The following HTR2C variants were observed in gnomAD, a reference collection of about 807,000 sequenced individuals.
HTR2C encodes 5-hydroxytryptamine (serotonin) receptor 2C, G protein-coupled.
A neutral mutation model predicts 21.0 loss-of-function variants in HTR2C; 5 were observed. That is an observed-to-expected ratio of 0.24 (90% confidence interval 0.12 to 0.50). The LOEUF (loss-of-function observed/expected upper bound fraction) is 0.50. Among genes scored for constraint, HTR2C ranks in the 20% least tolerant of loss-of-function variants. The pLI is 0.98. For missense variants in HTR2C, 271 were observed against 371.2 expected, an observed-to-expected ratio of 0.73 and a Z score of 2.22; for synonymous variants, 150 against 145.3, an observed-to-expected ratio of 1.03 and a Z score of -0.23.
chrX:114,824,843 G>A (rs1193469898), intron 4 of HTR2C, among the ~76,000 whole-genome samples: 1 of 111,494 alleles, frequency 9.0e-6, no homozygotes, highest in East Asian at 2.8e-4. Context: ...TTGGAATTAG[G>A]GGCTTAGTGA....
At chrX:114,657,767 T>C (rs782238202) in intron 2 of HTR2C, among the ~76,000 whole-genome samples, 40 of 111,788 alleles carry the variant, frequency 3.6e-4, no homozygotes, top group Non-Finnish European at 6.6e-4. Context: ...TAGTTACATA[T>C]GTATTATTCT....
chrX:114,827,986 T>C (rs1435491155), intron 4 of HTR2C, among the ~76,000 whole-genome samples: 2 of 110,741 alleles, frequency 1.8e-5, no homozygotes, highest in Non-Finnish European at 3.8e-5. Flanking sequence ...GTAAATTTTT[T>C]CCCCCCAAAT....
chrX:114,714,675 G>A (rs782386921), intron 2 of HTR2C, among the ~76,000 whole-genome samples: 4 of 112,173 alleles, frequency 3.6e-5, no homozygotes, highest in Non-Finnish European at 5.6e-5. Context: ...GAAGTATCTT[G>A]TTTGTAAAAC....
chrX:114,599,289 A>G (rs887435448), intron 1 of HTR2C, among the ~76,000 whole-genome samples: 1 of 112,037 alleles, frequency 8.9e-6, no homozygotes. Flanking sequence ...GTAAAGACAA[A>G]TAAGAGTATT....
chrX:114,881,598 T>C (rs1181292464), intron 5 of HTR2C, among the ~76,000 whole-genome samples: 1 of 109,997 alleles, frequency 9.1e-6, no homozygotes, highest in African/African-American at 3.3e-5. Flanking sequence ...GAAAAGACTA[T>C]TATTTCCTTC....
chrX:114,882,527 G>A (rs2071189880), intron 5 of HTR2C, among the ~76,000 whole-genome samples: 1 of 110,699 alleles, frequency 9.0e-6, no homozygotes, highest in South Asian at 3.7e-4. Context: ...TTTCTATGTT[G>A]AGGAGTGACT....
rs1289133081 is a variant in HTR2C at position 114,907,320 on chromosome X, A to G, written c.1282A>G (p.Ser428Gly). The G allele has an allele frequency of 3.3e-6, 4 of 1,209,064 alleles. No individual in the cohort carries two copies. Among genetic ancestry groups the G allele is most frequent in the African/African-American group, 1.8e-5 (1 of 57,139 alleles). Residue 428 changes from serine (S) to glycine (G), a missense_variant, in exon 6 of 6, where the codon AGT becomes GGT. By Grantham distance (56) the Ser-to-Gly change is moderately conservative (BLOSUM62 0). Transcript: ENST00000276198. Reference sequence around the variant, plus strand: ...CAATGAACCGGTGATCGAGAAAGCCAGTGACAATGAGCCCGGTATAGAGAT... The same window carrying G: ...CAATGAACCGGTGATCGAGAAAGCCGGTGACAATGAGCCCGGTATAGAGAT... ...HTNEPVIEKA[S>G]DNEPGIEMQV...
At chrX:114,706,727 T>C (rs1041332324) in intron 2 of HTR2C, among the ~76,000 whole-genome samples, 9 of 109,640 alleles carry the variant, frequency 8.2e-5, no homozygotes, top group Non-Finnish European at 1.1e-4. Flanking sequence ...CAAATAAAAA[T>C]AATAAAAAAG....
intron 2 of HTR2C, among the ~76,000 whole-genome samples, chrX:114,726,310 A>C (rs1317658585): frequency 7.1e-5 from 8 of 112,529 alleles, no homozygotes; most frequent in Non-Finnish European, 1.5e-4. Flanking sequence ...TTGTTTGACT[A>C]GGAAAGGGAA....
At chrX:114,603,987 G>A (rs1307184527) in intron 1 of HTR2C, among the ~76,000 whole-genome samples, 3 of 105,234 alleles carry the variant, frequency 2.9e-5, no homozygotes, top group Non-Finnish European at 5.8e-5. Flanking sequence ...AGGCCATGCT[G>A]TAGCAGGCGA....
chrX:114,600,015 G>A (rs1338712772), intron 1 of HTR2C, among the ~76,000 whole-genome samples: 4 of 110,991 alleles, frequency 3.6e-5, no homozygotes, highest in African/African-American at 1.3e-4. Context: ...AAGAAATCAC[G>A]GACACTTCTA....
At chrX:114,674,945 A>T (rs782293973) in intron 2 of HTR2C, among the ~76,000 whole-genome samples, 3 of 112,403 alleles carry the variant, frequency 2.7e-5, no homozygotes, top group Non-Finnish European at 3.8e-5. Context: ...TGTGTTCACA[A>T]TTCCAAAATC....
chrX:114,633,622 G>T (rs1556404675), intron 2 of HTR2C, among the ~76,000 whole-genome samples: 1 of 110,375 alleles, frequency 9.1e-6, no homozygotes, highest in African/African-American at 3.3e-5. Flanking sequence ...ATTCTGTCTG[G>T]GATGTCTGAA....
At chrX:114,703,095 C>T (rs1198971688) in intron 2 of HTR2C, among the ~76,000 whole-genome samples, 11 of 104,951 alleles carry the variant, frequency 1.0e-4, no homozygotes, top group Non-Finnish European at 1.8e-4. Flanking sequence ...ACTTAGACTC[C>T]CACACAATAA....
intron 4 of HTR2C, among the ~76,000 whole-genome samples, chrX:114,803,498 T>A (rs1313559969): frequency 9.4e-6 from 1 of 106,075 alleles, no homozygotes; most frequent in Non-Finnish European, 1.9e-5. Flanking sequence ...GTGAGCATTT[T>A]TTCATGTGTT....
chrX:114,707,891 CA>C (rs782374673), intron 2 of HTR2C, among the ~76,000 whole-genome samples: 4 of 107,677 alleles, frequency 3.7e-5, no homozygotes, highest in Non-Finnish European at 5.8e-5. Context: ...AGTAAATAGG[CA>C]AAAAAAACTT....
At chrX:114,896,740 TA>T (rs782348456) in intron 5 of HTR2C, among the ~76,000 whole-genome samples, 3 of 112,367 alleles carry the variant, frequency 2.7e-5, no homozygotes, top group Non-Finnish European at 5.6e-5. Flanking sequence ...TCTTCATATT[TA>T]AAGTTTGTCT....
intron 4 of HTR2C, among the ~76,000 whole-genome samples, chrX:114,835,808 T>C (rs2070776171): frequency 9.0e-6 from 1 of 111,023 alleles, no homozygotes; most frequent in Non-Finnish European, 1.9e-5. Flanking sequence ...CCAGTTTTTC[T>C]GTTCTGTTTT....
intron 5 of HTR2C, among the ~76,000 whole-genome samples, chrX:114,896,705 A>C (rs1556484160): frequency 8.9e-6 from 1 of 111,902 alleles, no homozygotes; most frequent in African/African-American, 3.2e-5. Context: ...ATTTTCCATA[A>C]TTTCTAACTT....
Sources: allele counts gnomAD v4.1 joint callset (sites outside exome capture counted in the v4.1 genomes callset), GRCh38; gene constraint gnomAD v4.1.1; transcripts MANE v1.5; gene names NCBI Gene and HGNC (gene_info 2026-07-23, HGNC 2026-07-21).